Variants in RPH3A observed in about 807,000 individuals in gnomAD.
RPH3A encodes the protein rabphilin-3A.
RPH3A carries 48 observed loss-of-function variants against 102.2 expected under a neutral mutation model. The ratio of observed to expected loss-of-function variants is 0.47; its 90% CI spans 0.37 to 0.60. The LOEUF (loss-of-function observed/expected upper bound fraction) is 0.60. Among genes scored for constraint, RPH3A ranks in the 20% least tolerant of loss-of-function variants. The probability of loss-of-function intolerance (pLI) is 0.00; values close to 1 mark genes in which losing one functional copy is unlikely to be tolerated. For missense variants in RPH3A, 781 were observed against 910.1 expected (o/e 0.86, Z 1.83); for synonymous variants, 310 against 324.3 (o/e 0.96, Z 0.47).
chr12:112,795,990 T>C (rs1469056064), intron 2 of RPH3A, among the ~76,000 whole-genome samples: 1 of 152,186 alleles, frequency 6.6e-6, no homozygotes, highest in Admixed American at 6.5e-5. Context: ...GCTGTATGAC[T>C]CACAAGAGGG....
intron 1 of RPH3A, among the ~76,000 whole-genome samples, chr12:112,759,884 A>T (rs528588296): frequency 1.4e-4 from 21 of 152,194 alleles, no homozygotes; most frequent in Middle Eastern, 3.4e-3. Flanking sequence ...CCTTCCAATG[A>T]CAGGTAAGTC....
chr12:112,864,634 C>A (rs1225364642), intron 5 of RPH3A, among the ~76,000 whole-genome samples: 5 of 152,116 alleles, frequency 3.3e-5, no homozygotes, highest in African/African-American at 4.8e-5. Flanking sequence ...CAATGATTCT[C>A]AAAACCATTC....
intron 1 of RPH3A, among the ~76,000 whole-genome samples, chr12:112,740,991 C>T (rs1033267510): frequency 1.3e-5 from 2 of 152,158 alleles, no homozygotes; most frequent in African/African-American, 4.8e-5. Flanking sequence ...CTCCCAGTCA[C>T]TTCTCGTGTG....
At chr12:112,892,205 T>C (rs1160714754) in intron 19 of RPH3A, among the ~76,000 whole-genome samples, 1 of 152,192 alleles carries the variant, frequency 6.6e-6, no homozygotes, top group Non-Finnish European at 1.5e-5. Flanking sequence ...CTGGGGCTCA[T>C]AGCTTAACAT....
chr12:112,655,081 G>C (rs1318316415), intron 1 of RPH3A, among the ~76,000 whole-genome samples: 1 of 152,146 alleles, frequency 6.6e-6, no homozygotes, highest in African/African-American at 2.4e-5. Context: ...GAAGGCCATG[G>C]CTTGAAGGCC....
intron 7 of RPH3A, chr12:112,868,118 G>A (rs2042642397): frequency 3.8e-6 from 1 of 264,432 alleles, no homozygotes; most frequent in Admixed American, 4.8e-5. Flanking sequence ...GGAAGACTTG[G>A]AGTTGAGCCC....
chr12:112,726,591 GA>G (rs1565862023), intron 1 of RPH3A, among the ~76,000 whole-genome samples: 1 of 152,120 alleles, frequency 6.6e-6, no homozygotes, highest in Non-Finnish European at 1.5e-5. Flanking sequence ...CCATCACCCA[GA>G]TTCAATAATT....
At chr12:112,830,579 A>G (rs1054792268) in intron 3 of RPH3A, among the ~76,000 whole-genome samples, 1 of 152,000 alleles carries the variant, frequency 6.6e-6, no homozygotes, top group Non-Finnish European at 1.5e-5. Flanking sequence ...ACTGCTTTTT[A>G]TTCTGCTTGT....
At chr12:112,608,517 T>C (rs2039615475) in intron 1 of RPH3A, among the ~76,000 whole-genome samples, 1 of 152,192 alleles carries the variant, frequency 6.6e-6, no homozygotes, top group South Asian at 2.1e-4. Context: ...ACACTTCCAT[T>C]CTCAAGGTTA....
chr12:112,829,885 C>T (rs1394605461), intron 3 of RPH3A, among the ~76,000 whole-genome samples: 1 of 152,158 alleles, frequency 6.6e-6, no homozygotes, highest in Admixed American at 6.5e-5. Context: ...CTGAGACTTG[C>T]TTCCCACTTA....
In RPH3A at chr12:112,868,449, C is replaced by T. The variant is rs946202287; in HGVS notation, c.464C>T (p.Ala155Val). 3 of 1,614,118 alleles carry T rather than the reference C, an allele frequency of 1.9e-6. No individual in the cohort carries two copies. Among genetic ancestry groups the T allele is most frequent in the Non-Finnish European group, 1.7e-6 (2 of 1,180,008 alleles). Reference protein sequence around the residue: ...EQREVWKRSGAWFFKGFPKQV... With the variant: ...EQREVWKRSGVWFFKGFPKQV... ...CCCAAGGTGTGGAAGCGTTCTGGAG[C>T]GTGGTTCTTCAAAGGCTTCCCCAAA... is the stretch of plus-strand genomic sequence containing the variant. The change falls in exon 8 of 22, where the codon GCG (alanine) becomes GTG (valine). Residue 155 changes from alanine to valine, a missense_variant. Around this residue, in one of 2 missense-constraint regions of RPH3A, gnomAD observed 730 missense variants for 810.0 expected, o/e 0.90. Transcript: ENST00000389385.
At chr12:112,874,059 C>T (rs529446686) in intron 10 of RPH3A, 11 of 152,274 alleles carry the variant, frequency 7.2e-5, no homozygotes, top group Admixed American at 7.2e-4. Context: ...ATTTGTAAGC[C>T]CCCAGGCAGA....
chr12:112,720,884 C>A (rs2040545882), intron 1 of RPH3A, among the ~76,000 whole-genome samples: 1 of 152,136 alleles, frequency 6.6e-6, no homozygotes, highest in Admixed American at 6.5e-5. Flanking sequence ...GGCATGGTTA[C>A]AGGAAAGGAT....
chr12:112,866,847 G>T lies in RPH3A; in HGVS notation c.444+7G>T. ...CTGCATTGAGCAGAGGGAGGTGAGT[G>T]CCCTGGTCCCACCTGGTGCCTAGAT... On this transcript the variant is annotated splice_region_variant and intron_variant, in intron 7 of 21. Coordinates refer to ENST00000389385, the MANE Select transcript of RPH3A (RefSeq NM_001143854.2). 6.2e-7 allele frequency: 1 copy of T among 1,603,364 alleles called. No homozygotes were observed.
chr12:112,648,251 A>G (rs2039946041), intron 1 of RPH3A, among the ~76,000 whole-genome samples: 1 of 152,156 alleles, frequency 6.6e-6, no homozygotes, highest in Non-Finnish European at 1.5e-5. Context: ...TAACATAAAT[A>G]TGTCACATAA....
At chr12:112,627,995 G>C (rs1054059341) in intron 1 of RPH3A, among the ~76,000 whole-genome samples, 1 of 139,230 alleles carries the variant, frequency 7.2e-6, no homozygotes, top group African/African-American at 2.6e-5. Flanking sequence ...TCAAAGGGCC[G>C]GGGGCGGGGG....
At chr12:112,827,754 G>T (rs1345693371) in intron 2 of RPH3A, among the ~76,000 whole-genome samples, 2 of 152,044 alleles carry the variant, frequency 1.3e-5, no homozygotes, top group East Asian at 1.9e-4. Context: ...ATCCTGGGGT[G>T]GGGGGCCAGG....
intron 1 of RPH3A, among the ~76,000 whole-genome samples, chr12:112,779,733 C>T (rs1294927570): frequency 6.6e-6 from 1 of 152,090 alleles, no homozygotes; most frequent in East Asian, 1.9e-4. Context: ...ATAATGTCCC[C>T]CTAAAATCCA....
rs989920287 is a variant in RPH3A at position 112,888,026 on chromosome 12, T to G, written c.1563+103T>G. ...GGAAATAGATCCACGGGGTATTGGG[T>G]AGCAGAGGCACTGCAGCAGGTCTGC... is the stretch of plus-strand genomic sequence containing the variant. On this transcript the variant is annotated intron_variant, in intron 17 of 21. Coordinates refer to ENST00000389385, the MANE Select transcript of RPH3A (RefSeq NM_001143854.2). 3.0e-6 allele frequency: 4 copies of G among 1,335,008 alleles called. No individual in the cohort carries two copies. In the African/African-American group the frequency reaches 5.8e-5, roughly 19 times the overall value. 82.7% of individuals were successfully genotyped at this position (1,335,008 alleles called of 1,614,324 possible).
Sources: allele counts gnomAD v4.1 joint callset (sites outside exome capture counted in the v4.1 genomes callset), GRCh38; gene constraint gnomAD v4.1.1; regional missense constraint gnomAD v4.1.1; transcripts MANE v1.5; gene names NCBI Gene and HGNC (gene_info 2026-07-23, HGNC 2026-07-21).